The following WDPCP variants were observed in gnomAD, a reference collection of about 807,000 sequenced individuals.
WDPCP encodes WD repeat containing planar cell polarity effector.
WDPCP carries 71 observed loss-of-function variants against 93.1 expected under a neutral mutation model. The observed-to-expected ratio is 0.76, with a 90% CI of 0.63 to 0.93. The LOEUF is 0.93. Among genes scored for constraint, WDPCP ranks in the 40% least tolerant of loss-of-function variants. The pLI is 0.00. For missense variants in WDPCP, 844 were observed against 887.4 expected (o/e 0.95, Z 0.62); for synonymous variants, 315 against 315.0 (o/e 1.00, Z 0.00).
chr2:63,264,356 A>C (rs1321959838), intron 13 of WDPCP, among the ~76,000 whole-genome samples: 1 of 152,180 alleles, frequency 6.6e-6, no homozygotes, highest in East Asian at 1.9e-4. Flanking sequence ...TTTTAGTAAA[A>C]AGGCTGGGTG....
chr2:63,234,185 C>CCAAT (rs1481653982), intron 14 of WDPCP, among the ~76,000 whole-genome samples: 1 of 152,102 alleles, frequency 6.6e-6, no homozygotes, highest in Non-Finnish European at 1.5e-5. Context: ...AGTTCTTGCA[C>CCAAT]CAATCAGTAT....
chr2:63,502,711 A>G (rs1359560266), intron 1 of WDPCP, among the ~76,000 whole-genome samples: 1 of 152,082 alleles, frequency 6.6e-6, no homozygotes, highest in Non-Finnish European at 1.5e-5. Flanking sequence ...AAGTTTGTGC[A>G]TGTTTAGTCA....
intron 3 of WDPCP, chr2:63,605,420 C>G (rs1411856929): frequency 2.7e-6 from 4 of 1,474,822 alleles, no homozygotes; most frequent in South Asian, 1.1e-5. Flanking sequence ...TTGCACAGGT[C>G]ACTCTATTTT....
chr2:63,177,744 C>G (rs1340406883), intron 14 of WDPCP, among the ~76,000 whole-genome samples: 2 of 151,916 alleles, frequency 1.3e-5, no homozygotes, highest in African/African-American at 4.8e-5. Context: ...CTAGGACATT[C>G]CAGTATTATG....
chr2:63,589,225 AT>A, upstream of WDPCP: 1 of 1,566,256 alleles, frequency 6.4e-7, no homozygotes. Flanking sequence ...GAAGGGATTG[AT>A]TTCCACCTTG....
chr2:63,367,295 C>CACTT (rs1386364748), intron 12 of WDPCP, among the ~76,000 whole-genome samples: 12 of 151,966 alleles, frequency 7.9e-5, no homozygotes, highest in Admixed American at 3.3e-4. Flanking sequence ...TAACTGTCAA[C>CACTT]ACTTAAAAAT....
intron 9 of WDPCP, 90 bp from the exon 10 acceptor site, chr2:63,404,747 TAAAG>T (rs1694437729): frequency 1.3e-6 from 2 of 1,515,828 alleles, no homozygotes; most frequent in Admixed American, 1.7e-5. Context: ...AGAAACCTAT[TAAAG>T]AAAATCAATT....
chr2:63,452,334 C>T (rs1698311535), intron 6 of WDPCP, among the ~76,000 whole-genome samples: 1 of 152,190 alleles, frequency 6.6e-6, no homozygotes, highest in African/African-American at 2.4e-5. Context: ...AGCGAACTCC[C>T]ATTCACAATT....
chr2:63,647,587 G>A (rs1352424464), intron 3 of WDPCP, among the ~76,000 whole-genome samples: 1 of 152,174 alleles, frequency 6.6e-6, no homozygotes, highest in Non-Finnish European at 1.5e-5. Context: ...TTATAGACAT[G>A]GAGTACAAGC....
At chr2:63,389,899 G>A (rs1370768857) in intron 10 of WDPCP, among the ~76,000 whole-genome samples, 1 of 152,136 alleles carries the variant, frequency 6.6e-6, no homozygotes, top group African/African-American at 2.4e-5. Context: ...CATAAAGCAA[G>A]TCCTTAGAGA....
Position 63,484,899 on chromosome 2 carries a change from A to G in WDPCP, c.324+18T>C. Reference sequence around the variant, plus strand: ...ACAGATTTGTTTGTTGCCATTTTTGAAACTTTTTGAAAGATACCTCCAACT... The same window carrying G: ...ACAGATTTGTTTGTTGCCATTTTTGGAACTTTTTGAAAGATACCTCCAACT... On this transcript the variant is annotated intron_variant, in intron 5 of 17. Coordinates refer to ENST00000272321, the MANE Select transcript of WDPCP (RefSeq NM_015910.7). 4 of 1,611,728 alleles carry G rather than the reference A, an allele frequency of 2.5e-6. No individual in the cohort carries two copies. Among genetic ancestry groups the G allele is most frequent in the Non-Finnish European group, 3.4e-6 (4 of 1,178,596 alleles).
At chr2:63,602,934 C>CTTTTTTTTTTTTTTTTTTTTT (rs370479356) in intron 3 of WDPCP, among the ~76,000 whole-genome samples, 6 of 131,530 alleles carry the variant, frequency 4.6e-5, no homozygotes, top group Non-Finnish European at 6.7e-5. Flanking sequence ...TTTAACCGTT[C>CTTTTTTTTTTTTTTTTTTTTT]TTTTTTTTTT....
At chr2:63,451,197 G>T (rs1698221560) in intron 6 of WDPCP, among the ~76,000 whole-genome samples, 1 of 151,854 alleles carries the variant, frequency 6.6e-6, no homozygotes, top group East Asian at 1.9e-4. Context: ...TTCCTTCTAT[G>T]AAATACAAAA....
At chr2:63,373,023 T>C (rs1282970375) in intron 12 of WDPCP, among the ~76,000 whole-genome samples, 4 of 152,070 alleles carry the variant, frequency 2.6e-5, no homozygotes, top group Admixed American at 2.6e-4. Flanking sequence ...CCTCGGAGGA[T>C]GAGGCAGGAG....
intron 15 of WDPCP, among the ~76,000 whole-genome samples, chr2:63,157,742 G>A (rs1020510943): frequency 6.6e-6 from 1 of 151,854 alleles, no homozygotes; most frequent in African/African-American, 2.4e-5. Context: ...ACCCTCTTTC[G>A]TTCCTGATAT....
chr2:63,398,682 G>A (rs549800840), intron 10 of WDPCP, among the ~76,000 whole-genome samples: 9 of 151,840 alleles, frequency 5.9e-5, no homozygotes, highest in South Asian at 2.1e-4. Flanking sequence ...TTTAAACTAC[G>A]ACCCATGATC....
intron 14 of WDPCP, among the ~76,000 whole-genome samples, chr2:63,218,596 C>G (rs1677549541): frequency 6.6e-6 from 1 of 152,146 alleles, no homozygotes; most frequent in East Asian, 1.9e-4. Flanking sequence ...GTGGCCCTAT[C>G]TCGGCTCATT....
chr2:63,161,911 G>A (rs1672674639), intron 15 of WDPCP, among the ~76,000 whole-genome samples: 1 of 151,984 alleles, frequency 6.6e-6, no homozygotes, highest in South Asian at 2.1e-4. Flanking sequence ...CTGCAGGCAT[G>A]TGCCACCACA....
chr2:63,637,081 C>T lies in WDPCP; in HGVS notation n.488+13578G>A, dbSNP rs145684255. Among the ~76,000 whole-genome samples, 1,377 of 152,166 alleles carry T rather than the reference C, an allele frequency of 9.0e-3. 20 individuals are homozygous for T. The highest frequency in any genetic ancestry group is 0.032 in the African/African-American group (1,316 of 41,520). On this transcript the variant is annotated intron_variant and non_coding_transcript_variant, in intron 3 of 4. Transcript: ENST00000467687. Reference sequence around the variant, plus strand: ...AACAAACAAGAGTGGCGGCTGGGCGCGGTAGCTCATGCCTGTAATCCCAGA... The same window carrying T: ...AACAAACAAGAGTGGCGGCTGGGCGTGGTAGCTCATGCCTGTAATCCCAGA...
Sources: allele counts gnomAD v4.1 joint callset (sites outside exome capture counted in the v4.1 genomes callset), GRCh38; gene constraint gnomAD v4.1.1; transcripts MANE v1.5; gene names NCBI Gene and HGNC (gene_info 2026-07-23, HGNC 2026-07-21).